The following NOL11 variants were observed in gnomAD, a reference collection of about 807,000 sequenced individuals.
NOL11 encodes nucleolar protein 11.
Under a neutral mutation model 93.0 loss-of-function variants are expected in NOL11, and 42 were observed. That is an observed-to-expected ratio of 0.45 (90% CI 0.35 to 0.58). NOL11 has a LOEUF of 0.58. Ranked by LOEUF, NOL11 falls within the 20% of genes least tolerant of loss-of-function variation. The pLI is 0.00. For missense variants in NOL11, 775 were observed against 841.8 expected, an observed-to-expected ratio of 0.92 and a Z score of 0.98; for synonymous variants, 296 against 293.7, an observed-to-expected ratio of 1.01 and a Z score of -0.08.
chr17:67,742,053 G>A (rs796565206), intron 16 of NOL11, among the ~76,000 whole-genome samples: 59 of 152,216 alleles, frequency 3.9e-4, no homozygotes, highest in African/African-American at 1.4e-3. Flanking sequence ...AGATATTCTT[G>A]TATATTTATG....
At chr17:67,721,133 G>C (rs1414458428) in intron 3 of NOL11, among the ~76,000 whole-genome samples, 1 of 152,084 alleles carries the variant, frequency 6.6e-6, no homozygotes, top group South Asian at 2.1e-4. Context: ...TAGTCACAAC[G>C]GGTAAACCAA....
chr17:67,733,203 A>G (rs2055170830), intron 7 of NOL11, among the ~76,000 whole-genome samples: 1 of 151,500 alleles, frequency 6.6e-6, no homozygotes, highest in Non-Finnish European at 1.5e-5. Flanking sequence ...TGTCTCTACT[A>G]AAATTACAAA....
chr17:67,735,324 CAATTT>C (rs2055191025), intron 8 of NOL11, among the ~76,000 whole-genome samples: 1 of 151,628 alleles, frequency 6.6e-6, no homozygotes, highest in Non-Finnish European at 1.5e-5. Context: ...TCTCAGCATA[CAATTT>C]AATTATACTT....
intron 3 of NOL11, among the ~76,000 whole-genome samples, chr17:67,721,061 A>G (rs1247643377): frequency 6.6e-6 from 1 of 152,258 alleles, no homozygotes; most frequent in African/African-American, 2.4e-5. Context: ...GTACCTCTGC[A>G]TGAATGGCTT....
chr17:67,720,105 C>A, intron 3 of NOL11, 143 bp downstream of exon 3: 1 of 691,974 alleles, frequency 1.4e-6, no homozygotes, highest in Non-Finnish European at 2.2e-6. Flanking sequence ...AATTATCTTA[C>A]AATGTATCTT....
At chr17:67,727,328 A>G (rs1462548306) in intron 7 of NOL11, among the ~76,000 whole-genome samples, 1 of 152,164 alleles carries the variant, frequency 6.6e-6, no homozygotes. Context: ...CACATTTGAT[A>G]TGCCCATCCT....
intron 1 of NOL11, among the ~76,000 whole-genome samples, chr17:67,718,479 A>C (rs1176875236): frequency 6.6e-6 from 1 of 152,078 alleles, no homozygotes; most frequent in South Asian, 2.1e-4. Context: ...GAGTGGGAAT[A>C]GTGGTTTAGC....
At chr17:67,734,044 A>G (rs1442369254) in intron 7 of NOL11, among the ~76,000 whole-genome samples, 1 of 152,140 alleles carries the variant, frequency 6.6e-6, no homozygotes, top group Non-Finnish European at 1.5e-5. Context: ...ATATTTTGAA[A>G]GAGTTTGGGA....
At chr17:67,722,406 GACAAATGCGTAT>G (rs2043223791) in intron 4 of NOL11, among the ~76,000 whole-genome samples, 162 bp from the exon 5 acceptor site, 1 of 152,116 alleles carries the variant, frequency 6.6e-6, no homozygotes, top group African/African-American at 2.4e-5. Flanking sequence ...AGCTGCATTT[GACAAATGCGTAT>G]TGCTTGTGGT....
chr17:67,732,709 G>C (rs2055165501), intron 7 of NOL11, among the ~76,000 whole-genome samples: 1 of 151,266 alleles, frequency 6.6e-6, no homozygotes. Context: ...GAGCAGCTGG[G>C]ACTACAGGTG....
chr17:67,718,875 A>T (rs2043195785), intron 1 of NOL11, among the ~76,000 whole-genome samples: 1 of 152,196 alleles, frequency 6.6e-6, no homozygotes. Context: ...TTGGGATGTC[A>T]AGTAGATTTG....
At chr17:67,729,118 G>A (rs2055127385) in intron 7 of NOL11, among the ~76,000 whole-genome samples, 1 of 150,140 alleles carries the variant, frequency 6.7e-6, no homozygotes, top group South Asian at 2.1e-4. Flanking sequence ...TTTTGAGACA[G>A]AGTTTTAGTC....
Position 67,726,526 on chromosome 17 carries a change from G to T in NOL11, c.731G>T (p.Ser244Ile), listed in dbSNP as rs1248983640. ...IRPADPEKNQ[S>I]LVKSLLLKAV... ...CCAGCTGACCCAGAAAAAAATCAGA[G>T]CTTAGTTAAATCACTGCTGCTCAAG... Residue 244 changes from serine to isoleucine, a missense_variant, in exon 7 of 18, where the codon AGC (serine) becomes ATC (isoleucine). Around this residue, in one of 2 missense-constraint regions of NOL11, gnomAD observed 359 missense variants for 316.5 expected, o/e 1.13. Coordinates refer to ENST00000253247, the MANE Select transcript of NOL11 (RefSeq NM_015462.5). 1 of 1,614,134 alleles carries T rather than the reference G, an allele frequency of 6.2e-7. No homozygotes were observed. The highest frequency in any genetic ancestry group is 8.5e-7 in the Non-Finnish European group (1 of 1,180,024).
intron 9 of NOL11, 182 bp from the exon 10 acceptor site, chr17:67,736,484 G>T: frequency 1.8e-6 from 1 of 546,706 alleles, no homozygotes; most frequent in South Asian, 2.6e-5. Context: ...GCTTAACGTT[G>T]TTGGACATAC....
At chr17:67,722,747 C>T in intron 5 of NOL11, 110 bp downstream of exon 5, 1 of 1,372,394 alleles carries the variant, frequency 7.3e-7, no homozygotes, top group Non-Finnish European at 9.6e-7. Context: ...AGCAGTGGTG[C>T]CACGATGGTT....
chr17:67,734,429 C>G lies in NOL11; in HGVS notation c.920C>G (p.Thr307Ser), dbSNP rs372938548. Reference protein sequence around the residue: ...LQTSKELPQGTSGQLWYYGEH... With the variant: ...LQTSKELPQGSSGQLWYYGEH... The stretch of plus-strand genomic sequence containing the variant: ...ACTTCAAAAGAGTTACCACAAGGGA[C>G]CAGTGGTCAAGTAAGTTTTTTCACT... Residue 307 changes from threonine (T) to serine (S), a missense_variant, in exon 8 of 18, where the codon ACC (threonine) becomes AGC (serine). Coordinates refer to ENST00000253247, the MANE Select transcript of NOL11 (RefSeq NM_015462.5). The G allele has an allele frequency of 6.2e-7, 1 of 1,600,444 alleles. No homozygotes were observed. Among genetic ancestry groups the G allele is most frequent in the Non-Finnish European group, 8.6e-7 (1 of 1,168,408 alleles).
intron 16 of NOL11, among the ~76,000 whole-genome samples, chr17:67,742,369 A>C (rs992750515): frequency 6.6e-6 from 1 of 152,140 alleles, no homozygotes; most frequent in African/African-American, 2.4e-5. Context: ...TTCTTTGTCC[A>C]TATGTATATT....
At chr17:67,743,611 G>C (rs1224221613) in intron 17 of NOL11, 25 bp downstream of exon 17, 1 of 1,392,738 alleles carries the variant, frequency 7.2e-7, no homozygotes. Context: ...GATATATACT[G>C]ATTTTATTTG....
At chr17:67,730,603 A>AATT (rs1303555400) in intron 7 of NOL11, among the ~76,000 whole-genome samples, 1 of 151,786 alleles carries the variant, frequency 6.6e-6, no homozygotes, top group Non-Finnish European at 1.5e-5. Context: ...CTAGCAGGGG[A>AATT]ATTACTGGGT....
Sources: allele counts gnomAD v4.1 joint callset (sites outside exome capture counted in the v4.1 genomes callset), GRCh38; gene constraint gnomAD v4.1.1; regional missense constraint gnomAD v4.1.1; transcripts MANE v1.5; gene names NCBI Gene and HGNC (gene_info 2026-07-23, HGNC 2026-07-21).